FBXW8: variants seen among roughly 807,000 people sequenced by gnomAD.
The protein encoded by FBXW8 is F-box/WD repeat-containing protein 8.
A neutral mutation model predicts 65.3 loss-of-function variants in FBXW8; 57 were observed. That is an observed-to-expected ratio of 0.87 (90% CI 0.71 to 1.09). The LOEUF is 1.09. Among genes scored for constraint, FBXW8 ranks in the 50% least tolerant of loss-of-function variants. The pLI is 0.00. For missense variants in FBXW8, 777 were observed against 814.8 expected (o/e 0.95, Z 0.57); for synonymous variants, 308 against 330.2 (o/e 0.93, Z 0.73).
chr12:116,947,552 C>T (rs1434125707), intron 3 of FBXW8, among the ~76,000 whole-genome samples: 1 of 151,676 alleles, frequency 6.6e-6, no homozygotes, highest in African/African-American at 2.4e-5. Flanking sequence ...GTTCCATGGC[C>T]AATATGGTGA....
chr12:117,004,100 CT>C (rs1953615870), intron 7 of FBXW8, among the ~76,000 whole-genome samples: 1 of 152,196 alleles, frequency 6.6e-6, no homozygotes, highest in Non-Finnish European at 1.5e-5. Context: ...TTTCCCATCT[CT>C]CTGTCTGTTG....
At chr12:117,024,819 T>C (rs925867028) in intron 9 of FBXW8, among the ~76,000 whole-genome samples, 27 of 152,114 alleles carry the variant, frequency 1.8e-4, no homozygotes, top group African/African-American at 6.3e-4. Flanking sequence ...TAGACTTTCC[T>C]CATGCTGTTT....
intron 7 of FBXW8, among the ~76,000 whole-genome samples, chr12:116,989,095 T>G (rs566915679): frequency 2.6e-5 from 4 of 152,268 alleles, no homozygotes; most frequent in Admixed American, 2.6e-4. Context: ...TATTAACAGT[T>G]TTTAGGTATC....
rs140280865 is a variant in FBXW8 at position 116,993,392 on chromosome 12, G to A, written c.1239+4523G>A. 7.7e-3 allele frequency among the ~76,000 whole-genome samples: 1,175 copies of A among 152,124 alleles called. 15 individuals carry two copies. Among genetic ancestry groups the A allele is most frequent in the African/African-American group, 0.026 (1,081 of 41,512 alleles). ...GCTGGGATTACAGGTGTGGGCCACC[G>A]CACCCGGCCTGTTTTTTGATTTTTT... On this transcript the variant is annotated intron_variant, in intron 7 of 10. Transcript: ENST00000652555.
intron 7 of FBXW8, among the ~76,000 whole-genome samples, chr12:117,000,995 G>A (rs561092632): frequency 1.3e-5 from 2 of 152,184 alleles, no homozygotes; most frequent in Admixed American, 6.5e-5. Flanking sequence ...AATTATTTAA[G>A]CCTCAGTTTC....
chr12:116,990,406 CT>C (rs976536266), intron 7 of FBXW8, among the ~76,000 whole-genome samples: 14 of 152,174 alleles, frequency 9.2e-5, no homozygotes, highest in African/African-American at 3.4e-4. Context: ...GAATTGTTTC[CT>C]AAGGCAGTTT....
At chr12:117,002,211 G>A (rs1308485776) in intron 7 of FBXW8, among the ~76,000 whole-genome samples, 2 of 152,256 alleles carry the variant, frequency 1.3e-5, no homozygotes, top group East Asian at 1.9e-4. Flanking sequence ...AGCGGGGGTT[G>A]CAGGTGCATT....
chr12:117,005,799 T>C (rs1274840248), intron 7 of FBXW8, among the ~76,000 whole-genome samples: 2 of 152,170 alleles, frequency 1.3e-5, no homozygotes, highest in Non-Finnish European at 2.9e-5. Flanking sequence ...TGATCACAAC[T>C]TCCCTGTTCA....
intron 7 of FBXW8, among the ~76,000 whole-genome samples, chr12:117,004,265 T>A (rs2135701569): frequency 6.6e-6 from 1 of 152,358 alleles, no homozygotes; most frequent in South Asian, 2.1e-4. Flanking sequence ...TTTTATCCTC[T>A]CCCTCTTTTA....
intron 4 of FBXW8, among the ~76,000 whole-genome samples, chr12:116,953,268 C>T (rs539876312): frequency 2.6e-5 from 4 of 152,098 alleles, no homozygotes; most frequent in Admixed American, 2.6e-4. Context: ...AGAGATGATG[C>T]GTTCCAAGAC....
At chr12:117,008,388 A>G (rs572350407) in intron 7 of FBXW8, among the ~76,000 whole-genome samples, 23 of 152,320 alleles carry the variant, frequency 1.5e-4, no homozygotes, top group South Asian at 1.2e-3. Flanking sequence ...GGTTATTTCT[A>G]TATACTTACT....
intron 8 of FBXW8, among the ~76,000 whole-genome samples, chr12:117,019,728 A>T (rs979547325): frequency 3.9e-5 from 6 of 152,142 alleles, no homozygotes; most frequent in Admixed American, 2.6e-4. Context: ...CAAGAAAGAG[A>T]GTGTGACTGT....
intron 2 of FBXW8, among the ~76,000 whole-genome samples, chr12:116,937,391 T>G (rs1882241465): frequency 6.6e-6 from 1 of 152,148 alleles, no homozygotes; most frequent in Admixed American, 6.5e-5. Context: ...GGAGCCCTGG[T>G]GCTCCACAAG....
chr12:116,919,079 G>C (rs1880670693), intron 1 of FBXW8, among the ~76,000 whole-genome samples: 1 of 152,128 alleles, frequency 6.6e-6, no homozygotes, highest in East Asian at 1.9e-4. Flanking sequence ...AATGTTATAT[G>C]AATGTGGGCT....
At chr12:117,020,951 C>T (rs1459683594) in intron 8 of FBXW8, among the ~76,000 whole-genome samples, 2 of 152,184 alleles carry the variant, frequency 1.3e-5, no homozygotes, top group African/African-American at 2.4e-5. Context: ...ACTGGCCTTG[C>T]GTGTATGTGG....
At chr12:116,960,863 A>AG (rs771319858) in intron 4 of FBXW8, among the ~76,000 whole-genome samples, 9 of 152,210 alleles carry the variant, frequency 5.9e-5, no homozygotes, top group Non-Finnish European at 4.4e-5. Flanking sequence ...CTTCAGATAA[A>AG]GGGCATAGTA....
chr12:116,935,695 T>G (rs766692509), intron 2 of FBXW8, among the ~76,000 whole-genome samples: 2 of 152,160 alleles, frequency 1.3e-5, no homozygotes, highest in Non-Finnish European at 2.9e-5. Flanking sequence ...AGCTAAGTGG[T>G]GGGTACTTTG....
At chr12:116,935,998 CAT>C (rs1882131619) in intron 2 of FBXW8, among the ~76,000 whole-genome samples, 3 of 148,598 alleles carry the variant, frequency 2.0e-5, no homozygotes, top group Non-Finnish European at 3.0e-5. Flanking sequence ...GAGAATAAAA[CAT>C]AAAAAACCAG....
chr12:116,962,704 T>C (rs1239453559), intron 4 of FBXW8, among the ~76,000 whole-genome samples: 1 of 152,266 alleles, frequency 6.6e-6, no homozygotes, highest in Non-Finnish European at 1.5e-5. Context: ...CCTTCTCATC[T>C]TTCCTGAATT....
Sources: gnomAD v4.1 joint callset for allele counts (sites outside exome capture counted in the v4.1 genomes callset) on GRCh38, gnomAD v4.1.1 for gene constraint, MANE v1.5 for transcripts, NCBI Gene and HGNC (gene_info 2026-07-23, HGNC 2026-07-21) for gene names.